Variants in KCTD16 observed in about 807,000 individuals in gnomAD.
KCTD16 encodes the protein potassium channel tetramerization domain containing 16.
In KCTD16, 13 loss-of-function variants were observed where a neutral mutation model predicts 33.2. That is an observed-to-expected ratio of 0.39 (90% CI 0.25 to 0.62). The LOEUF is 0.62. KCTD16 is among the 20% of genes least tolerant of loss of function. KCTD16 has a pLI of 0.50. For synonymous variants in KCTD16, 197 were observed against 195.3 expected (o/e 1.01, Z -0.07); for missense variants, 441 against 525.1 (o/e 0.84, Z 1.57).
chr5:144,204,466 C>T (rs958023570), intron 2 of KCTD16, among the ~76,000 whole-genome samples: 1 of 152,196 alleles, frequency 6.6e-6, no homozygotes, highest in African/African-American at 2.4e-5. Context: ...GAAATGCCTT[C>T]CTGAAACTCT....
intron 2 of KCTD16, among the ~76,000 whole-genome samples, chr5:144,182,721 G>T (rs1752650700): frequency 6.6e-6 from 1 of 151,936 alleles, no homozygotes; most frequent in South Asian, 2.1e-4. Context: ...CTCCAGCCTA[G>T]GCTGACACAG....
chr5:144,462,568 T>TAAAA (rs11285229), intron 3 of KCTD16, among the ~76,000 whole-genome samples: 1 of 138,740 alleles, frequency 7.2e-6, no homozygotes, highest in African/African-American at 2.7e-5. Flanking sequence ...TTTGGTTTCT[T>TAAAA]AAAAAAAAAA....
At chr5:144,401,997 T>G (rs1252459142) in intron 3 of KCTD16, among the ~76,000 whole-genome samples, 1 of 152,156 alleles carries the variant, frequency 6.6e-6, no homozygotes. Flanking sequence ...AGAGCAGAAG[T>G]GAGACAACAG....
chr5:144,462,592 C>A (rs1199375271), intron 3 of KCTD16, among the ~76,000 whole-genome samples: 2 of 146,628 alleles, frequency 1.4e-5, no homozygotes, highest in African/African-American at 5.0e-5. Context: ...ACAAAAAACT[C>A]TTTTTCATTG....
chr5:144,283,163 A>T (rs1189243443), intron 3 of KCTD16, among the ~76,000 whole-genome samples: 2 of 152,116 alleles, frequency 1.3e-5, no homozygotes, highest in Non-Finnish European at 2.9e-5. Context: ...CTCGTCATTT[A>T]CATTAGGTAT....
At chr5:144,270,474 A>G (rs542890132) in intron 3 of KCTD16, among the ~76,000 whole-genome samples, 1 of 152,044 alleles carries the variant, frequency 6.6e-6, no homozygotes, top group South Asian at 2.1e-4. Flanking sequence ...ATACTTAGAG[A>G]CAAATGAGAA....
At chr5:144,218,685 T>C (rs1334508590) in intron 3 of KCTD16, among the ~76,000 whole-genome samples, 1 of 152,220 alleles carries the variant, frequency 6.6e-6, no homozygotes, top group Non-Finnish European at 1.5e-5. Flanking sequence ...TCTCCTTTTA[T>C]AATGATTATC....
chr5:144,380,065 A>G (rs1311221280), intron 3 of KCTD16, among the ~76,000 whole-genome samples: 1 of 152,070 alleles, frequency 6.6e-6, no homozygotes. Flanking sequence ...AATATTCTAC[A>G]CTTATGGTTC....
intron 3 of KCTD16, among the ~76,000 whole-genome samples, chr5:144,391,567 G>C (rs1331598551): frequency 6.6e-6 from 1 of 152,214 alleles, no homozygotes; most frequent in Non-Finnish European, 1.5e-5. Context: ...ACAGTCAGGA[G>C]TCTCTAATTC....
intron 3 of KCTD16, among the ~76,000 whole-genome samples, chr5:144,465,791 T>G (rs1269907738): frequency 8.6e-5 from 13 of 150,762 alleles, no homozygotes; most frequent in Non-Finnish European, 1.2e-4. Flanking sequence ...TTTTTGTTTT[T>G]TTTTTTTTTT....
intron 3 of KCTD16, among the ~76,000 whole-genome samples, chr5:144,417,548 C>T (rs1753090245): frequency 6.6e-6 from 1 of 152,068 alleles, no homozygotes; most frequent in Non-Finnish European, 1.5e-5. Flanking sequence ...TATTTTCTCC[C>T]ATTCTGTAAA....
intron 3 of KCTD16, among the ~76,000 whole-genome samples, chr5:144,458,070 C>A (rs1754110524): frequency 6.6e-6 from 1 of 152,110 alleles, no homozygotes; most frequent in Non-Finnish European, 1.5e-5. Flanking sequence ...AAAGAAAAAT[C>A]CTTAAGAAAC....
intron 3 of KCTD16, among the ~76,000 whole-genome samples, chr5:144,388,013 AATT>A (rs1752363039): frequency 6.6e-6 from 1 of 150,608 alleles, no homozygotes; most frequent in Admixed American, 6.6e-5. Flanking sequence ...ATATAGAACC[AATT>A]ATTTATTATT....
At chr5:144,177,739 A>C (rs1280468177) in intron 2 of KCTD16, among the ~76,000 whole-genome samples, 2 of 152,124 alleles carry the variant, frequency 1.3e-5, no homozygotes, top group Non-Finnish European at 1.5e-5. Context: ...TATCTCTGTA[A>C]AGATCTTATT....
chr5:144,297,592 G>A (rs1334109187), intron 3 of KCTD16, among the ~76,000 whole-genome samples: 1 of 152,166 alleles, frequency 6.6e-6, no homozygotes, highest in Non-Finnish European at 1.5e-5. Context: ...GCGAGAGATA[G>A]GACTAACTAG....
chr5:144,363,990 G>GT (rs5871879), intron 3 of KCTD16, among the ~76,000 whole-genome samples: 58 of 151,924 alleles, frequency 3.8e-4, no homozygotes, highest in South Asian at 1.0e-3. Flanking sequence ...ATTCAATTCA[G>GT]TTTTTTTTGT....
intron 3 of KCTD16, among the ~76,000 whole-genome samples, chr5:144,216,964 G>A (rs1055107158): frequency 3.9e-5 from 6 of 152,106 alleles, no homozygotes; most frequent in African/African-American, 1.2e-4. Flanking sequence ...CTAAGCTCTG[G>A]TAGTGGTAAC....
chr5:144,195,464 G>A (rs576217660), intron 2 of KCTD16, among the ~76,000 whole-genome samples: 9 of 152,224 alleles, frequency 5.9e-5, no homozygotes, highest in East Asian at 3.9e-4. Context: ...CTCCAGCACC[G>A]TTGCTTGGTC....
chr5:144,339,356 C>T (rs1177770841), intron 3 of KCTD16, among the ~76,000 whole-genome samples: 1 of 152,198 alleles, frequency 6.6e-6, no homozygotes, highest in Non-Finnish European at 1.5e-5. Flanking sequence ...GCTTTACTAT[C>T]TCTTTGTACA....
Sources: allele counts gnomAD v4.1 joint callset (sites outside exome capture counted in the v4.1 genomes callset), GRCh38; gene constraint gnomAD v4.1.1; transcripts MANE v1.5; gene names NCBI Gene and HGNC (gene_info 2026-07-23, HGNC 2026-07-21).